THADA: variants seen among roughly 807,000 people sequenced by gnomAD.
THADA encodes the protein THADA armadillo repeat containing.
A neutral mutation model predicts 219.8 loss-of-function variants in THADA; 213 were observed. That is an observed-to-expected ratio of 0.97 (90% CI 0.87 to 1.09). The LOEUF is 1.09. Ranked by LOEUF, THADA falls within the 50% of genes least tolerant of loss-of-function variation. THADA has a pLI of 0.00. For missense variants in THADA, 2,956 were observed against 2,311.3 expected, an observed-to-expected ratio of 1.28 and a Z score of -5.72; for synonymous variants, 1,018 against 828.9, an observed-to-expected ratio of 1.23 and a Z score of -3.92.
At chr2:43,581,679 T>C in intron 8 of THADA, 62 bp downstream of exon 8, 1 of 1,435,412 alleles carries the variant, frequency 7.0e-7, no homozygotes, top group Non-Finnish European at 9.6e-7. Flanking sequence ...TAGGAAAAGC[T>C]GATTGACACT....
chr2:43,414,580 A>G (rs1676710649), intron 28 of THADA, among the ~76,000 whole-genome samples: 1 of 152,214 alleles, frequency 6.6e-6, no homozygotes, highest in African/African-American at 2.4e-5. Context: ...TAAACCTTTC[A>G]GAAAATAAGG....
At chr2:43,417,813 G>C (rs914043626) in intron 28 of THADA, among the ~76,000 whole-genome samples, 3 of 152,168 alleles carry the variant, frequency 2.0e-5, no homozygotes, top group Admixed American at 6.5e-5. Context: ...ATCACTACCA[G>C]TATGAGCTAG....
chr2:43,508,649 T>A lies in THADA; in HGVS notation c.3506A>T (p.Gln1169Leu). 1 of 1,612,902 alleles carries A rather than the reference T, an allele frequency of 6.2e-7. No individual in the cohort carries two copies. Among genetic ancestry groups the A allele is most frequent in the Non-Finnish European group, 8.5e-7 (1 of 1,179,434 alleles). Reference sequence around the variant, plus strand: ...AGCTAGGGTCCTACAGATAAATACCTGTATGTAGAAAGGAATTCCAGCACT... The same window carrying A: ...AGCTAGGGTCCTACAGATAAATACCAGTATGTAGAAAGGAATTCCAGCACT... Reference protein sequence around the residue: ...RRSAGIPFYIQALLASEPKKG... With the variant: ...RRSAGIPFYILALLASEPKKG... The change falls in exon 23 of 38, where the codon CAG becomes CTG. Residue 1169 changes from glutamine to leucine, a missense_variant and splice_region_variant. By Grantham distance (113) the Gln-to-Leu change is moderately radical. Coordinates refer to ENST00000405975, the MANE Select transcript of THADA (RefSeq NM_022065.5).
At chr2:43,283,210 T>C (rs1356628994) in intron 35 of THADA, among the ~76,000 whole-genome samples, 3 of 152,246 alleles carry the variant, frequency 2.0e-5, no homozygotes, top group Non-Finnish European at 2.9e-5. Context: ...CCATGCTTCC[T>C]GTTAAGCCCA....
chr2:43,370,502 T>C (rs561165128), intron 29 of THADA, among the ~76,000 whole-genome samples: 19 of 152,304 alleles, frequency 1.2e-4, no homozygotes, highest in African/African-American at 4.3e-4. Flanking sequence ...GGATGCTTAT[T>C]TGAAAACATT....
intron 26 of THADA, among the ~76,000 whole-genome samples, chr2:43,442,803 C>A (rs1681015991): frequency 6.6e-6 from 1 of 152,106 alleles, no homozygotes; most frequent in Non-Finnish European, 1.5e-5. Flanking sequence ...GGTTAAGGAC[C>A]ATGTCTTCTA....
rs1572906977 is a variant in THADA, at chr2:43,284,386, T to A, written c.5164+2522A>T. Among the ~76,000 whole-genome samples, 3 of 152,264 alleles carry A rather than the reference T, an allele frequency of 2.0e-5. No individual in the cohort carries two copies. The East Asian group carries it at 5.8e-4, about 29-fold the overall frequency. On this transcript the variant is annotated intron_variant, in intron 35 of 37. Transcript: ENST00000405975. ...GTGTCCCAGCTGCTCTAGCTCCAGC[T>A]GTGACTAAAAGGGGCCAAGGTACAG... is the stretch of plus-strand genomic sequence containing the variant.
intron 28 of THADA, among the ~76,000 whole-genome samples, chr2:43,400,455 A>ATT: frequency 7.4e-6 from 1 of 134,876 alleles, no homozygotes; most frequent in African/African-American, 2.9e-5. Context: ...TCATAGACAA[A>ATT]TTTATATATA....
chr2:43,272,480 G>C (rs898671955), intron 36 of THADA, among the ~76,000 whole-genome samples: 4 of 152,116 alleles, frequency 2.6e-5, no homozygotes, highest in Non-Finnish European at 4.4e-5. Flanking sequence ...AGTATTTGTT[G>C]AATGAATGAA....
At chr2:43,348,029 T>C (rs977521225) in intron 29 of THADA, among the ~76,000 whole-genome samples, 1 of 152,136 alleles carries the variant, frequency 6.6e-6, no homozygotes, top group Non-Finnish European at 1.5e-5. Context: ...TGTAGTAGTC[T>C]AGACAAGAGG....
intron 31 of THADA, 36 bp from the exon 32 acceptor site, chr2:43,293,249 T>G (rs1293363833): frequency 6.4e-7 from 1 of 1,566,314 alleles, no homozygotes; most frequent in Non-Finnish European, 8.6e-7. Context: ...AAAGAGATAA[T>G]CACTTTAAAT....
At chr2:43,402,677 C>A (rs775680614) in intron 28 of THADA, among the ~76,000 whole-genome samples, 1 of 152,190 alleles carries the variant, frequency 6.6e-6, no homozygotes, top group East Asian at 1.9e-4. Context: ...TACCAGAGAA[C>A]TGGAGAGAAA....
intron 34 of THADA, 117 bp from the exon 35 acceptor site, chr2:43,287,178 G>A (rs1572918811): frequency 1.1e-6 from 1 of 905,910 alleles, no homozygotes; most frequent in Non-Finnish European, 1.6e-6. Flanking sequence ...TCAATGGGAA[G>A]AAAGTTGTTT....
At chr2:43,279,671 C>G in intron 36 of THADA, 94 bp downstream of exon 36, 1 of 1,433,226 alleles carries the variant, frequency 7.0e-7, no homozygotes. Flanking sequence ...AAATGACCAA[C>G]AATGCCTAAG....
In THADA at chr2:43,344,137, A is replaced by C; in HGVS notation, c.4328T>G (p.Leu1443Arg). 6.2e-7 allele frequency: 1 copy of C among 1,610,120 alleles called. No individual in the cohort carries two copies. The highest frequency in any genetic ancestry group is 8.5e-7 in the Non-Finnish European group (1 of 1,178,200). ...TTTAACATACCTCTTGGCCAGCCAG[A>C]GTTTGGCTTTGGTACAAACAGTGAT... Reference protein sequence around the residue: ...TDITVCTKAKLWLAKRQNPCL... With the variant: ...TDITVCTKAKRWLAKRQNPCL... The change falls in exon 30 of 38, where the codon CTC (leucine) becomes CGC (arginine). Residue 1443 changes from leucine (L) to arginine (R), a missense_variant. Transcript: ENST00000405975.
At chr2:43,456,247 T>C (rs1054431043) in intron 26 of THADA, among the ~76,000 whole-genome samples, 4 of 152,196 alleles carry the variant, frequency 2.6e-5, no homozygotes, top group Non-Finnish European at 5.9e-5. Context: ...ACAAAGGTAA[T>C]ATTCCACATA....
At chr2:43,485,498 T>G (rs771526313) in intron 25 of THADA, among the ~76,000 whole-genome samples, 173 bp from the exon 26 acceptor site, 6 of 152,186 alleles carry the variant, frequency 3.9e-5, no homozygotes, top group Non-Finnish European at 8.8e-5. Context: ...AGTCATCGAT[T>G]CAATGACTTC....
At chr2:43,554,963 T>C (rs190198212) in intron 17 of THADA, among the ~76,000 whole-genome samples, 1 of 152,332 alleles carries the variant, frequency 6.6e-6, no homozygotes, top group African/African-American at 2.4e-5. Context: ...TGCTCCAATG[T>C]GCATTTCCTT....
rs1168306792 is a variant in THADA, at chr2:43,515,205, A to T, written c.3375-6425T>A. ...ATATATAATATATTATATATAATAT[A>T]TAATATATAATATATTATATATAAT... is the stretch of plus-strand genomic sequence containing the variant. On this transcript the variant is annotated intron_variant, in intron 22 of 37. Coordinates refer to ENST00000405975, the MANE Select transcript of THADA (RefSeq NM_022065.5). Among the ~76,000 whole-genome samples, 14 of 46,526 alleles carry T rather than the reference A, an allele frequency of 3.0e-4. 4 individuals are homozygous for T. Among genetic ancestry groups the T allele is most frequent in the African/African-American group, 8.2e-4 (10 of 12,238 alleles). 30.5% of individuals were successfully genotyped at this position (46,526 alleles called of 152,430 possible).
Sources: allele counts gnomAD v4.1 joint callset (sites outside exome capture counted in the v4.1 genomes callset), GRCh38; gene constraint gnomAD v4.1.1; transcripts MANE v1.5; gene names NCBI Gene and HGNC (gene_info 2026-07-23, HGNC 2026-07-21).